Variants in CERS2 observed in about 807,000 individuals in gnomAD.
CERS2 encodes the protein LAG1 homolog, ceramide synthase 2.
CERS2 carries 20 observed loss-of-function variants against 56.6 expected under a neutral mutation model. That is an observed-to-expected ratio of 0.35 (90% CI 0.25 to 0.51). The LOEUF (loss-of-function observed/expected upper bound fraction) is 0.51, where lower values mean the gene tolerates loss of function less well. Ranked by LOEUF, CERS2 falls within the 20% of genes least tolerant of loss-of-function variation. CERS2 has a pLI of 0.96. For missense variants in CERS2, 361 were observed against 488.6 expected (o/e 0.74, Z 2.46); for synonymous variants, 187 against 175.4 (o/e 1.07, Z -0.52).
chr1:150,967,624 T>C, intron 6 of CERS2, 40 bp downstream of exon 6: 7 of 1,562,866 alleles, frequency 4.5e-6, no homozygotes, highest in Non-Finnish European at 6.2e-6. Context: ...CACTAGGGTG[T>C]GTCTTAGTCC....
intron 1 of CERS2, chr1:150,972,065 A>G (rs267737): frequency 1 from 376,333 of 376,342 alleles, 188,162 homozygotes; most frequent in Non-Finnish European, 1. Context: ...TGCCTGCAAA[A>G]CAGGGGGTGG....
chr1:150,966,089 G>A lies in CERS2; in HGVS notation c.*59C>T. 1.3e-6 allele frequency: 2 copies of A among 1,515,516 alleles called. No individual in the cohort carries two copies. Among genetic ancestry groups the A allele is most frequent in the Non-Finnish European group, 1.8e-6 (2 of 1,117,156 alleles). 93.9% of individuals were successfully genotyped at this position (1,515,516 alleles called of 1,614,324 possible). ...GAGCTTAAAGTGACCCTATAGCGCAGGGAGCGGGGTAGTTCCTTGGCTTTA... is the reference window on the plus strand; with the variant it reads ...GAGCTTAAAGTGACCCTATAGCGCAAGGAGCGGGGTAGTTCCTTGGCTTTA... On this transcript the variant is annotated 3_prime_UTR_variant, in exon 11 of 11. Transcript: ENST00000368954.
In CERS2 at chr1:150,967,718, CAG is replaced by C. The variant is rs1411713171; in HGVS notation, c.469-6_469-5del. 5 of 1,613,742 alleles carry C rather than the reference CAG, an allele frequency of 3.1e-6. No individual in the cohort carries two copies. Among genetic ancestry groups the C allele is most frequent in the South Asian group, 1.1e-5 (1 of 91,084 alleles). On this transcript the variant is annotated splice_region_variant and splice_polypyrimidine_tract_variant and intron_variant, in intron 5 of 10. Transcript: ENST00000368954. ...TCATGTCATAGAACCAGGGTTTCTG[CAG>C]AGAGATGGTGAGAAGTTAAAAGAGG...
At chr1:150,974,329 G>A (rs1394913727) in intron 1 of CERS2, 1 of 151,510 alleles carries the variant, frequency 6.6e-6, no homozygotes, top group Non-Finnish European at 1.5e-5. Context: ...TGTTGCCCGG[G>A]AAAGCTTCTC....
rs770263237 is a variant in CERS2, at chr1:150,967,191, T to C, written c.624A>G (p.Glu208=). Reference sequence around the variant, plus strand: ...TGGTGGCCACATGGTGGATGATCTGTTCCTTGAAATCCTGCAGAGATGATG... The same window carrying C: ...TGGTGGCCACATGGTGGATGATCTGCTCCTTGAAATCCTGCAGAGATGATG... ...ASDVKRKDFK[E]QIIHHVATII... Residue 208 remains glutamate (E), a synonymous_variant, in exon 8 of 11, where the codon GAA becomes GAG. Transcript: ENST00000368954. 12 of 1,613,896 alleles carry C rather than the reference T, an allele frequency of 7.4e-6. No homozygotes were observed. The highest frequency in any genetic ancestry group is 1.7e-5 in the Admixed American group (1 of 60,006).
intron 4 of CERS2, 74 bp from the exon 5 acceptor site, chr1:150,967,951 A>G (rs1571673416): frequency 7.1e-7 from 1 of 1,401,486 alleles, no homozygotes; most frequent in East Asian, 2.3e-5. Flanking sequence ...ACCTGCAGAT[A>G]CCCTCACAAG....
Position 150,968,164 on chromosome 1 carries a change from G to A in CERS2, c.329C>T (p.Ser110Phe). 1.2e-6 allele frequency: 2 copies of A among 1,609,584 alleles called. No individual in the cohort carries two copies. The highest frequency in any genetic ancestry group is 1.7e-6 in the Non-Finnish European group (2 of 1,180,004). Residue 110 changes from serine (S) to phenylalanine (F), a missense_variant, in exon 4 of 11, where the codon TCT becomes TTT. Physicochemically the swap from Ser to Phe is radical, Grantham distance 155. Around this residue, in one of 3 missense-constraint regions of CERS2, gnomAD observed 236 missense variants for 309.2 expected, o/e 0.76. Transcript: ENST00000368954. Reference sequence around the variant, plus strand: ...GAACCAACGCTCTACCTGGCGGCCAGAGAGCCCGCTCTGCCGGGACAAAAG... The same window carrying A: ...GAACCAACGCTCTACCTGGCGGCCAAAGAGCCCGCTCTGCCGGGACAAAAG... ...VELLSRQSGLSGRQVERWFRR... is the reference protein window; with the variant it reads ...VELLSRQSGLFGRQVERWFRR...
At chr1:150,967,906 C>A in intron 4 of CERS2, 29 bp from the exon 5 acceptor site, 1 of 1,576,178 alleles carries the variant, frequency 6.3e-7, no homozygotes, top group South Asian at 1.1e-5. Context: ...ATGGCTAGGT[C>A]AGAGGATAGC....
At chr1:150,973,297 C>T (rs1671227404) in intron 1 of CERS2, 1 of 152,306 alleles carries the variant, frequency 6.6e-6, no homozygotes, top group Non-Finnish European at 1.5e-5. Flanking sequence ...TGCAAAGTCC[C>T]ACCAAAGGCC....
Position 150,968,221 on chromosome 1 carries a change from C to T in CERS2, c.292-20G>A, listed in dbSNP as rs1476039107. 1 of 1,605,028 alleles carries T rather than the reference C, an allele frequency of 6.2e-7. No homozygotes were observed. The highest frequency in any genetic ancestry group is 8.5e-7 in the Non-Finnish European group (1 of 1,176,126). On this transcript the variant is annotated intron_variant, in intron 3 of 10. Transcript: ENST00000368954. ...TTCCACCTGGGCACAGTGAAGAAGC[C>T]CATTGTTATGTTTACCTTCGGAACT...
At chr1:150,968,801 C>G in intron 2 of CERS2, 117 bp downstream of exon 2, 1 of 1,038,412 alleles carries the variant, frequency 9.6e-7, no homozygotes, top group South Asian at 1.5e-5. Context: ...TGGGCAGGAA[C>G]CTGAGTAGCC....
At position 150,966,284 on chromosome 1, in the gene CERS2, A is replaced by G. The variant is rs1327447935; in HGVS notation, c.1007T>C (p.Val336Ala). The G allele has an allele frequency of 1.9e-6, 3 of 1,611,940 alleles. No individual in the cohort carries two copies. Among genetic ancestry groups the G allele is most frequent in the Non-Finnish European group, 2.5e-6 (3 of 1,179,456 alleles). ...TTCCCGGTCACTGCGTTCATCTTCT[A>G]CCAGCTGTGGAAAAGGGACAAGAAG... Reference protein sequence around the residue: ...MAHKFITGKLVEDERSDREET... With the variant: ...MAHKFITGKLAEDERSDREET... Residue 336 changes from valine to alanine, a missense_variant, in exon 11 of 11, where the codon GTA becomes GCA. By Grantham distance (64) the Val-to-Ala change is moderately conservative. Coordinates refer to ENST00000368954, the MANE Select transcript of CERS2 (RefSeq NM_022075.5).
At chr1:150,973,980 G>T in intron 1 of CERS2, 1 of 152,840 alleles carries the variant, frequency 6.5e-6, no homozygotes, top group Non-Finnish European at 1.5e-5. Context: ...GAGCTCCCTT[G>T]CCAGCCATCC....
chr1:150,971,460 C>A (rs915412601), intron 1 of CERS2, among the ~76,000 whole-genome samples: 3 of 151,952 alleles, frequency 2.0e-5, no homozygotes, highest in Non-Finnish European at 2.9e-5. Flanking sequence ...CTGGTCACTG[C>A]TCTCTCGGAT....
chr1:150,971,884 G>A (rs1177626223), intron 1 of CERS2: 7 of 471,054 alleles, frequency 1.5e-5, no homozygotes, highest in South Asian at 1.1e-4. Context: ...CTTCTCCAGG[G>A]AAATGTAAAG....
intron 1 of CERS2, among the ~76,000 whole-genome samples, chr1:150,972,206 T>C (rs772370528): frequency 6.6e-6 from 1 of 152,094 alleles, no homozygotes; most frequent in Non-Finnish European, 1.5e-5. Flanking sequence ...ACTTGGGAAA[T>C]GCAGATTAAT....
chr1:150,971,156 C>T (rs978925599), intron 1 of CERS2, among the ~76,000 whole-genome samples: 6 of 152,204 alleles, frequency 3.9e-5, no homozygotes, highest in African/African-American at 1.4e-4. Flanking sequence ...AGGCTCCCCA[C>T]CCCTTGTTCT....
rs1671283607 is a variant in CERS2 at position 150,974,807 on chromosome 1, C to G, written c.-190G>C. Reference sequence around the variant, plus strand: ...GCGCCGCCGCCGCCGCCCGCCGAGCCCAGTCGAGCTGAGCCCGAGCCCAGC... The same window carrying G: ...GCGCCGCCGCCGCCGCCCGCCGAGCGCAGTCGAGCTGAGCCCGAGCCCAGC... On this transcript the variant is annotated 5_prime_UTR_variant, in exon 1 of 11. Coordinates refer to ENST00000368954, the MANE Select transcript of CERS2 (RefSeq NM_022075.5). 1.3e-5 allele frequency: 2 copies of G among 154,212 alleles called. No individual in the cohort carries two copies. The highest frequency in any genetic ancestry group is 4.8e-5 in the African/African-American group (2 of 41,346). 9.6% of individuals were successfully genotyped at this position (154,212 alleles called of 1,614,324 possible). A position where few individuals can be genotyped will look rare whatever the true frequency, so the allele number is the denominator to read the frequency against.
intron 1 of CERS2, among the ~76,000 whole-genome samples, chr1:150,970,936 C>T (rs940097239): frequency 6.6e-6 from 1 of 152,156 alleles, no homozygotes; most frequent in South Asian, 2.1e-4. Context: ...AACTGAAAGA[C>T]GAACAACATG....
Sources: gnomAD v4.1 joint callset for allele counts (sites outside exome capture counted in the v4.1 genomes callset) on GRCh38, gnomAD v4.1.1 for gene constraint, gnomAD v4.1.1 regional missense constraint, MANE v1.5 for transcripts, NCBI Gene and HGNC (gene_info 2026-07-23, HGNC 2026-07-21) for gene names.